CDK13: variants seen among roughly 807,000 people sequenced by gnomAD.
CDK13 encodes cyclin dependent kinase 13.
A neutral mutation model predicts 137.6 loss-of-function variants in CDK13; 40 were observed. The ratio of observed to expected loss-of-function variants is 0.29; its 90% CI spans 0.23 to 0.38. The LOEUF (loss-of-function observed/expected upper bound fraction) is 0.38, where lower values mean the gene tolerates loss of function less well. CDK13 is among the 10% of genes least tolerant of loss of function. The pLI is 1.00. For missense variants in CDK13, 1,704 were observed against 1,951.8 expected, an observed-to-expected ratio of 0.87 and a Z score of 2.39; for synonymous variants, 869 against 760.1, an observed-to-expected ratio of 1.14 and a Z score of -2.36.
rs1787059834 is a variant in CDK13, at chr7:40,096,934, C to A, written c.*1954C>A. The A allele has an allele frequency of 6.6e-6, 1 of 151,920 alleles. No individual in the cohort carries two copies. Among genetic ancestry groups the A allele is most frequent in the African/African-American group, 2.4e-5 (1 of 41,394 alleles). The allele number at this position is 151,920 out of a possible 1,614,324, so 9.4% of individuals were successfully genotyped here. ...AAATATTTTGAAATTAGCAAAATAG[C>A]AACAGTATTCAAGTATCTGAAATTT... On this transcript the variant is annotated 3_prime_UTR_variant, in exon 14 of 14. Coordinates refer to ENST00000181839, the MANE Select transcript of CDK13 (RefSeq NM_003718.5).
chr7:40,061,358 C>G (rs916739007), intron 7 of CDK13: 1 of 152,128 alleles, frequency 6.6e-6, no homozygotes, highest in Non-Finnish European at 1.5e-5. Flanking sequence ...TAACTATAGT[C>G]CTATCTGTGG....
intron 7 of CDK13, among the ~76,000 whole-genome samples, chr7:40,053,391 G>A (rs1785936329): frequency 6.6e-6 from 1 of 152,084 alleles, no homozygotes; most frequent in Admixed American, 6.6e-5. Context: ...ATAGGCCATT[G>A]TAAATAGAAT....
At chr7:40,044,046 G>A (rs1009294527) in intron 5 of CDK13, among the ~76,000 whole-genome samples, 2 of 151,688 alleles carry the variant, frequency 1.3e-5, no homozygotes, top group African/African-American at 2.4e-5. Context: ...ACAGGTGCAC[G>A]CCACCATGCC....
At chr7:40,091,783 T>C (rs1786930694) in intron 12 of CDK13, among the ~76,000 whole-genome samples, 1 of 152,206 alleles carries the variant, frequency 6.6e-6, no homozygotes. Context: ...TCTCAAAATA[T>C]ATAAAGAGAA....
At chr7:40,048,603 T>G (rs1562748623) in intron 7 of CDK13, 1 of 147,320 alleles carries the variant, frequency 6.8e-6, no homozygotes, top group African/African-American at 2.7e-5. Context: ...TTAAAGAATT[T>G]TAAAATTATT....
intron 5 of CDK13, among the ~76,000 whole-genome samples, chr7:40,025,656 A>G (rs1440610255): frequency 1.3e-5 from 2 of 152,180 alleles, no homozygotes; most frequent in African/African-American, 4.8e-5. Context: ...AGAATTTTAA[A>G]ACACATTTTT....
At chr7:40,065,701 G>T (rs1010520493) in intron 9 of CDK13, among the ~76,000 whole-genome samples, 1 of 152,012 alleles carries the variant, frequency 6.6e-6, no homozygotes, top group African/African-American at 2.4e-5. Context: ...ATAAGAAAAG[G>T]AAAGCAAATT....
At position 40,017,925 on chromosome 7, in the gene CDK13, CT is replaced by C. The variant is rs879404001; in HGVS notation, c.2353+15906del. Among the ~76,000 whole-genome samples the C allele has an allele frequency of 3.0e-3, 432 of 144,176 alleles. 1 individual carries two copies. The highest frequency in any genetic ancestry group is 9.2e-3 in the African/African-American group (361 of 39,296). 94.6% of individuals were successfully genotyped at this position (144,176 alleles called of 152,430 possible). A position where few individuals can be genotyped will look rare whatever the true frequency, so the allele number is the denominator to read the frequency against. ...TTAGCCTGTATGAAATTCCCACGTT[CT>C]TTTTTTTTTTTAAATTCCCACATGT... On this transcript the variant is annotated intron_variant, in intron 5 of 13. Transcript: ENST00000181839.
chr7:40,012,691 G>T (rs1784920362), intron 5 of CDK13, among the ~76,000 whole-genome samples: 1 of 152,040 alleles, frequency 6.6e-6, no homozygotes, highest in Non-Finnish European at 1.5e-5. Context: ...GAGGTGGGCG[G>T]ATCACCTGAG....
intron 1 of CDK13, among the ~76,000 whole-genome samples, chr7:39,968,276 T>G (rs1783916021): frequency 6.6e-6 from 1 of 152,234 alleles, no homozygotes; most frequent in Non-Finnish European, 1.5e-5. Context: ...TCCCTGTACT[T>G]TTGGGTTTAT....
At chr7:39,960,447 C>T (rs921904350) in intron 1 of CDK13, among the ~76,000 whole-genome samples, 23 of 151,862 alleles carry the variant, frequency 1.5e-4, no homozygotes, top group Non-Finnish European at 7.4e-5. Context: ...TCAGTAGAGA[C>T]GGGGTTTCAT....
At chr7:40,049,915 C>T (rs964505231) in intron 7 of CDK13, among the ~76,000 whole-genome samples, 3 of 151,592 alleles carry the variant, frequency 2.0e-5, no homozygotes, top group Non-Finnish European at 4.4e-5. Flanking sequence ...GACAGGATTT[C>T]CTTGTTTTTT....
At chr7:40,035,719 A>G (rs533751200) in intron 5 of CDK13, among the ~76,000 whole-genome samples, 16 of 152,174 alleles carry the variant, frequency 1.1e-4, no homozygotes, top group African/African-American at 3.9e-4. Flanking sequence ...AACAATAGAA[A>G]TAAAGTGTAC....
At chr7:40,033,762 C>T (rs1785426763) in intron 5 of CDK13, among the ~76,000 whole-genome samples, 1 of 151,450 alleles carries the variant, frequency 6.6e-6, no homozygotes, top group Non-Finnish European at 1.5e-5. Flanking sequence ...GGGAAGTGTT[C>T]TATAGCCTAA....
chr7:40,004,905 A>T (rs544235149), intron 5 of CDK13, among the ~76,000 whole-genome samples: 1 of 152,194 alleles, frequency 6.6e-6, no homozygotes, highest in Non-Finnish European at 1.5e-5. Flanking sequence ...AGTGGCTTAA[A>T]CCTGTAATCC....
chr7:39,962,163 T>G (rs550291253), intron 1 of CDK13, among the ~76,000 whole-genome samples: 23 of 152,346 alleles, frequency 1.5e-4, no homozygotes, highest in Admixed American at 5.9e-4. Flanking sequence ...GTAATGGGAT[T>G]GCTGGGTCAA....
At chr7:39,993,654 C>T (rs1784507374) in intron 2 of CDK13, among the ~76,000 whole-genome samples, 1 of 151,900 alleles carries the variant, frequency 6.6e-6, no homozygotes, top group Non-Finnish European at 1.5e-5. Flanking sequence ...GAGATCTTTC[C>T]ATGTTGGTAT....
chr7:39,957,788 A>G (rs543202256), intron 1 of CDK13, among the ~76,000 whole-genome samples: 1 of 152,318 alleles, frequency 6.6e-6, no homozygotes, highest in Non-Finnish European at 1.5e-5. Context: ...AGCAGACATT[A>G]TGTCAAACTT....
At chr7:39,992,079 ACACACACACACACACACACACACACG>A (rs1475258329) in intron 2 of CDK13, among the ~76,000 whole-genome samples, 2 of 8,030 alleles carry the variant, frequency 2.5e-4, no homozygotes, top group African/African-American at 2.8e-4. Context: ...ATACACACAC[ACACACACACACACACACACACACACG>A]CACACACACA....
Sources: gnomAD v4.1 joint callset for allele counts (sites outside exome capture counted in the v4.1 genomes callset) on GRCh38, gnomAD v4.1.1 for gene constraint, MANE v1.5 for transcripts, NCBI Gene and HGNC (gene_info 2026-07-23, HGNC 2026-07-21) for gene names.